LEO1: variants seen among roughly 807,000 people sequenced by gnomAD.
LEO1 encodes the protein RNA polymerase-associated protein LEO1.
LEO1 carries 34 observed loss-of-function variants against 80.4 expected under a neutral mutation model. That is an observed-to-expected ratio of 0.42 (90% confidence interval 0.32 to 0.56). The LOEUF (loss-of-function observed/expected upper bound fraction) is 0.56. Among genes scored for constraint, LEO1 ranks in the 20% least tolerant of loss-of-function variants. The probability of loss-of-function intolerance (pLI) is 0.10; values close to 1 mark genes in which losing one functional copy is unlikely to be tolerated. For synonymous variants in LEO1, 262 were observed against 274.9 expected (o/e 0.95, Z 0.46); for missense variants, 631 against 814.2 (o/e 0.77, Z 2.74).
intron 6 of LEO1, 38 bp downstream of exon 6, chr15:51,958,704 T>G: frequency 7.4e-7 from 1 of 1,343,892 alleles, no homozygotes; most frequent in East Asian, 2.3e-5. Flanking sequence ...AGGTTTTACT[T>G]TATAAAAGAA....
intron 10 of LEO1, among the ~76,000 whole-genome samples, chr15:51,948,281 GAC>G (rs2056919218): frequency 6.6e-6 from 1 of 152,154 alleles, no homozygotes; most frequent in South Asian, 2.1e-4. Context: ...AGCACTACTA[GAC>G]TCATGTGCTA....
Position 51,959,904 on chromosome 15 carries a change from C to T in LEO1, c.1155G>A (p.Glu385=), listed in dbSNP as rs569959550. Residue 385 remains glutamate, a synonymous_variant, in exon 5 of 12, where the codon GAG becomes GAA. Coordinates refer to ENST00000299601, the MANE Select transcript of LEO1 (RefSeq NM_138792.4). ...ATTTTAATTGATTTCCTTACCTGGGCTCTACACTGAGAAAGTTGGGCAGTT... is the reference window on the plus strand; with the variant it reads ...ATTTTAATTGATTTCCTTACCTGGGTTCTACACTGAGAAAGTTGGGCAGTT... ...FVKLPNFLSV[E]PRPFDPQYYE... The T allele has an allele frequency of 1.9e-6, 3 of 1,604,220 alleles. No homozygotes were observed. In the African/African-American group the frequency reaches 4.0e-5, roughly 22 times the overall value.
chr15:51,955,147 C>G (rs1231336763), intron 6 of LEO1: 1 of 152,348 alleles, frequency 6.6e-6, no homozygotes, highest in Non-Finnish European at 1.5e-5. Flanking sequence ...ACCGTGTTAG[C>G]CAGGATGGTC....
At chr15:51,939,711 A>G (rs978471120) in intron 11 of LEO1, among the ~76,000 whole-genome samples, 3 of 152,166 alleles carry the variant, frequency 2.0e-5, no homozygotes, top group African/African-American at 7.2e-5. Context: ...TGCAATCACT[A>G]TTTTTTGGTA....
At chr15:51,970,990 C>G (rs978877950) in intron 1 of LEO1, among the ~76,000 whole-genome samples, 1 of 152,108 alleles carries the variant, frequency 6.6e-6, no homozygotes, top group African/African-American at 2.4e-5. Context: ...CAATCCTGTG[C>G]CAGAAATAAC....
chr15:51,960,084 T>C (rs750992996), intron 4 of LEO1, 40 bp from the exon 5 acceptor site: 1 of 1,522,716 alleles, frequency 6.6e-7, no homozygotes, highest in Non-Finnish European at 9.0e-7. Flanking sequence ...GACAGGACCT[T>C]AGAAATGGCT....
At chr15:51,971,623 G>T in intron 1 of LEO1, 65 bp downstream of exon 1, 1 of 1,535,698 alleles carries the variant, frequency 6.5e-7, no homozygotes, top group South Asian at 1.1e-5. Context: ...GAGCCTCCAC[G>T]GTTGTCCGGC....
In LEO1 at chr15:51,960,016, T is replaced by C. The variant is rs1343439330; in HGVS notation, c.1043A>G (p.Gln348Arg). The change falls in exon 5 of 12, where the codon CAG becomes CGG. Residue 348 changes from glutamine (Q) to arginine (R), a missense_variant. By Grantham distance (43) the Gln-to-Arg change is conservative (BLOSUM62 1). Coordinates refer to ENST00000299601, the MANE Select transcript of LEO1 (RefSeq NM_138792.4). ...GGTCTCAGGAATTGGCTCCTCTTCC[T>C]GTTGATCCTGAGGCAATCCATTTTC... Reference protein sequence around the residue: ...VDENGLPQDQQEEEPIPETRI... With the variant: ...VDENGLPQDQREEEPIPETRI... 4 of 1,613,554 alleles carry C rather than the reference T, an allele frequency of 2.5e-6. No homozygotes were observed. Among genetic ancestry groups the C allele is most frequent in the East Asian group, 4.5e-5 (2 of 44,874 alleles).
intron 6 of LEO1, among the ~76,000 whole-genome samples, chr15:51,957,043 G>A (rs1343509980): frequency 6.6e-6 from 1 of 151,978 alleles, no homozygotes; most frequent in Non-Finnish European, 1.5e-5. Flanking sequence ...TGCTCAGGCT[G>A]GTCTGAAACT....
Position 51,971,692 on chromosome 15 carries a change from A to G in LEO1, c.54T>C (p.Arg18=), listed in dbSNP as rs758429948. Residue 18 remains arginine, a synonymous_variant, in exon 1 of 12, where the codon CGT becomes CGC. Coordinates refer to ENST00000299601, the MANE Select transcript of LEO1 (RefSeq NM_138792.4). ...TCCGAAGACCAGCGAACCCACCTTT[A>G]CGCTCAGCTTCGCTGTCGGCGTCGC... is the stretch of plus-strand genomic sequence containing the variant. ...FGSDADSEAE[R]KDSDSGSDSD... is the part of the protein sequence containing the mutation. 47 of 1,613,960 alleles carry G rather than the reference A, an allele frequency of 2.9e-5. No individual in the cohort carries two copies. The highest frequency in any genetic ancestry group is 3.6e-5 in the Non-Finnish European group (43 of 1,179,978).
chr15:51,971,388 C>A (rs1043516998), intron 1 of LEO1, among the ~76,000 whole-genome samples: 2 of 152,236 alleles, frequency 1.3e-5, no homozygotes, highest in South Asian at 2.1e-4. Flanking sequence ...AGGACTCCAA[C>A]GTTCCTACCC....
At chr15:51,962,304 A>G in intron 3 of LEO1, 85 bp downstream of exon 3, 1 of 854,088 alleles carries the variant, frequency 1.2e-6, no homozygotes, top group Non-Finnish European at 1.8e-6. Flanking sequence ...GATCTGGGGT[A>G]AACACACTCA....
At position 51,950,001 on chromosome 15, in the gene LEO1, A is replaced by C. The variant is rs1290794469; in HGVS notation, c.1612-7T>G. ...TCAAACGTTCTTCTTCTTTCTGTAA[A>C]GAAGCAAATAACCTCTTTAACCTAA... On this transcript the variant is annotated splice_region_variant and splice_polypyrimidine_tract_variant and intron_variant, in intron 9 of 11. Transcript: ENST00000299601. 5 of 1,606,370 alleles carry C rather than the reference A, an allele frequency of 3.1e-6. No homozygotes were observed. Among genetic ancestry groups the C allele is most frequent in the Non-Finnish European group, 4.2e-6 (5 of 1,177,402 alleles).
rs184872875 is a variant in LEO1 at position 51,961,659 on chromosome 15, G to A, written c.919+730C>T. On this transcript the variant is annotated intron_variant, in intron 3 of 11. Transcript: ENST00000299601. ...TCCACCCACCTTGGCCTCCCAAAGTGCTGGGATTACAGGCGTGAGCCACTG... is the reference window on the plus strand; with the variant it reads ...TCCACCCACCTTGGCCTCCCAAAGTACTGGGATTACAGGCGTGAGCCACTG... Among the ~76,000 whole-genome samples, 361 of 151,878 alleles carry A rather than the reference G, an allele frequency of 2.4e-3. 1 individual carries two copies. The highest frequency in any genetic ancestry group is 8.3e-3 in the African/African-American group (343 of 41,476).
chr15:51,953,266 G>A lies in LEO1; in HGVS notation c.1341-3C>T, dbSNP rs374535728. ...CATTGCCTAAATGCAGGGACATGCTGGAAAGAGAAACATTTCATCTATTAA... is the reference window on the plus strand; with the variant it reads ...CATTGCCTAAATGCAGGGACATGCTAGAAAGAGAAACATTTCATCTATTAA... On this transcript the variant is annotated splice_polypyrimidine_tract_variant and splice_region_variant and intron_variant, in intron 7 of 11. Coordinates refer to ENST00000299601, the MANE Select transcript of LEO1 (RefSeq NM_138792.4). 130 of 1,611,444 alleles carry A rather than the reference G, an allele frequency of 8.1e-5. No homozygotes were observed. Among genetic ancestry groups the A allele is most frequent in the Non-Finnish European group, 1.0e-4 (121 of 1,179,106 alleles).
chr15:51,953,871 G>A (rs1390644721), intron 7 of LEO1, among the ~76,000 whole-genome samples: 7 of 151,168 alleles, frequency 4.6e-5, no homozygotes, highest in Non-Finnish European at 8.9e-5. Context: ...TGGGAGGATC[G>A]CTTGAGCCCA....
intron 3 of LEO1, among the ~76,000 whole-genome samples, chr15:51,961,682 C>T (rs570524888): frequency 6.6e-6 from 1 of 151,964 alleles, no homozygotes; most frequent in African/African-American, 2.4e-5. Flanking sequence ...GCGTGAGCCA[C>T]TGCACCCAGC....
chr15:51,954,438 C>T, intron 7 of LEO1, 43 bp downstream of exon 7: 3 of 1,183,280 alleles, frequency 2.5e-6, no homozygotes, highest in Non-Finnish European at 3.8e-6. Context: ...TCCCTCTGAC[C>T]CGTTCTGGGT....
intron 1 of LEO1, among the ~76,000 whole-genome samples, chr15:51,969,838 T>TTA (rs1377923170): frequency 1.2e-4 from 11 of 89,978 alleles, no homozygotes; most frequent in Admixed American, 1.2e-3. Flanking sequence ...GAGACTCCGT[T>TTA]AAAAAAAAAA....
Sources: allele counts gnomAD v4.1 joint callset (sites outside exome capture counted in the v4.1 genomes callset), GRCh38; gene constraint gnomAD v4.1.1; transcripts MANE v1.5; gene names NCBI Gene and HGNC (gene_info 2026-07-23, HGNC 2026-07-21).